SIN3A: variants seen among roughly 807,000 people sequenced by gnomAD.
SIN3A encodes the protein SIN3 transcription regulator family member A.
In SIN3A, 14 loss-of-function variants were observed where a neutral mutation model predicts 146.1. The ratio of observed to expected loss-of-function variants is 0.10; its 90% confidence interval spans 0.06 to 0.15. The LOEUF (loss-of-function observed/expected upper bound fraction) is 0.15, where lower values mean the gene tolerates loss of function less well. Among genes scored for constraint, SIN3A ranks in the 10% least tolerant of loss-of-function variants. The pLI is 1.00. For synonymous variants in SIN3A, 572 were observed against 572.0 expected, an observed-to-expected ratio of 1.00 and a Z score of 0.00; for missense variants, 1,028 against 1,576.0, an observed-to-expected ratio of 0.65 and a Z score of 5.89.
chr15:75,415,708 AGG>A (rs974412891), intron 3 of SIN3A: 2 of 162,246 alleles, frequency 1.2e-5, no homozygotes, highest in African/African-American at 4.8e-5. Flanking sequence ...AAAATTAGCC[AGG>A]CATGGTGGCG....
Position 75,371,674 on chromosome 15 carries a change from C to G in SIN3A, c.*305G>C, listed in dbSNP as rs984124723. On this transcript the variant is annotated 3_prime_UTR_variant, in exon 21 of 21. Transcript: ENST00000394947. ...AGGCCACAGGAGACTCCAGTCTTAGCTCTGCTGGTGTGTGCAAGCAAACTG... is the reference window on the plus strand; with the variant it reads ...AGGCCACAGGAGACTCCAGTCTTAGGTCTGCTGGTGTGTGCAAGCAAACTG... 5.9e-6 allele frequency: 2 copies of G among 340,414 alleles called. No homozygotes were observed. The highest frequency in any genetic ancestry group is 2.1e-5 in the African/African-American group (1 of 47,680). The allele number at this position is 340,414 out of a possible 1,614,324, so 21.1% of individuals were successfully genotyped here.
intron 1 of SIN3A, among the ~76,000 whole-genome samples, chr15:75,442,058 T>C (rs2074221834): frequency 8.0e-6 from 1 of 125,416 alleles, no homozygotes; most frequent in South Asian, 2.5e-4. Context: ...AGGCAGAGGT[T>C]GCAGTGAGCA....
At chr15:75,454,143 C>T (rs996412994), upstream of SIN3A, among the ~76,000 whole-genome samples, 1 of 148,152 alleles carries the variant, frequency 6.7e-6, no homozygotes, top group South Asian at 2.2e-4. Flanking sequence ...TCCGCAAGAA[C>T]CGTCCCTCCT....
chr15:75,382,796 A>T (rs2072998805), intron 17 of SIN3A, among the ~76,000 whole-genome samples: 2 of 151,296 alleles, frequency 1.3e-5, no homozygotes, highest in African/African-American at 4.9e-5. Context: ...AAAATACAAA[A>T]ATTAGACCGG....
intron 18 of SIN3A, 99 bp downstream of exon 18, chr15:75,381,514 G>C (rs1369199234): frequency 3.2e-5 from 27 of 839,990 alleles, no homozygotes; most frequent in Non-Finnish European, 5.0e-5. Flanking sequence ...AAACAGGCCT[G>C]AGGTGCCTTG....
chr15:75,413,548 T>G (rs1449592691), intron 4 of SIN3A, among the ~76,000 whole-genome samples: 1 of 75,392 alleles, frequency 1.3e-5, no homozygotes, highest in African/African-American at 5.5e-5. Context: ...CCACAATTTG[T>G]TTTTTTTTTT....
At chr15:75,405,405 T>A (rs2073492771) in intron 9 of SIN3A, among the ~76,000 whole-genome samples, 1 of 151,402 alleles carries the variant, frequency 6.6e-6, no homozygotes, top group Non-Finnish European at 1.5e-5. Context: ...AAAGATTCCT[T>A]AATAGCATCT....
chr15:75,416,993 G>A (rs1052082083), intron 3 of SIN3A, among the ~76,000 whole-genome samples: 3 of 150,606 alleles, frequency 2.0e-5, no homozygotes, highest in Admixed American at 2.0e-4. Flanking sequence ...AACTTTCCCT[G>A]TTCAGAGCAT....
In SIN3A at chr15:75,371,504, T is replaced by G. The variant is rs2072751006; in HGVS notation, c.*475A>C. 1 of 154,948 alleles carries G rather than the reference T, an allele frequency of 6.5e-6. No individual in the cohort carries two copies. The highest frequency in any genetic ancestry group is 2.4e-5 in the African/African-American group (1 of 41,538). The allele number at this position is 154,948 out of a possible 1,614,324, so 9.6% of individuals were successfully genotyped here. A position where few individuals can be genotyped will look rare whatever the true frequency, so the allele number is the denominator to read the frequency against. ...GAAAAAAAAAATCAAATCCAGCTTT[T>G]TTTTCCTTTTGTGGGGAGGGGAGAG... On this transcript the variant is annotated 3_prime_UTR_variant, in exon 21 of 21. Transcript: ENST00000394947.
intron 6 of SIN3A, among the ~76,000 whole-genome samples, chr15:75,410,867 C>A (rs1350942103): frequency 6.8e-6 from 1 of 146,514 alleles, no homozygotes; most frequent in Non-Finnish European, 1.5e-5. Flanking sequence ...GAAACCCCGT[C>A]TCTACTAAAA....
intron 5 of SIN3A, 23 bp downstream of exon 5, chr15:75,412,740 T>C (rs2073664019): frequency 6.5e-7 from 1 of 1,543,128 alleles, no homozygotes; most frequent in South Asian, 1.3e-5. Context: ...TTCATATTGA[T>C]GCAATATTTT....
At chr15:75,450,890 G>A (rs2074392454) in intron 1 of SIN3A, among the ~76,000 whole-genome samples, 1 of 152,158 alleles carries the variant, frequency 6.6e-6, no homozygotes, top group African/African-American at 2.4e-5. Context: ...TGCAGGGGGG[G>A]ACGGCCAAGG....
chr15:75,408,066 G>C (rs1242184320), intron 8 of SIN3A, among the ~76,000 whole-genome samples: 1 of 152,080 alleles, frequency 6.6e-6, no homozygotes, highest in Non-Finnish European at 1.5e-5. Context: ...AACTTTGTGA[G>C]AAGTAGCACA....
intron 16 of SIN3A, among the ~76,000 whole-genome samples, chr15:75,386,746 T>C (rs1467779809): frequency 6.6e-6 from 1 of 152,202 alleles, no homozygotes; most frequent in African/African-American, 2.4e-5. Flanking sequence ...GGTCCTATTT[T>C]GAGTTCTGTA....
intron 5 of SIN3A, among the ~76,000 whole-genome samples, 179 bp downstream of exon 5, chr15:75,412,584 A>G (rs562887112): frequency 6.6e-6 from 1 of 152,328 alleles, no homozygotes; most frequent in South Asian, 2.1e-4. Context: ...TAGATACCTA[A>G]GTAAGTGATG....
chr15:75,414,688 T>C (rs2073701801), intron 3 of SIN3A, among the ~76,000 whole-genome samples: 1 of 152,234 alleles, frequency 6.6e-6, no homozygotes, highest in Non-Finnish European at 1.5e-5. Flanking sequence ...CATTTGTTTG[T>C]ATGTAGTCAG....
intron 19 of SIN3A, among the ~76,000 whole-genome samples, chr15:75,380,274 C>G (rs1365871519): frequency 1.3e-5 from 2 of 152,202 alleles, no homozygotes; most frequent in Non-Finnish European, 2.9e-5. Flanking sequence ...TTGCCACAGG[C>G]ACCTTTTCGC....
chr15:75,423,176 G>A (rs2141542700), intron 2 of SIN3A, among the ~76,000 whole-genome samples: 1 of 151,986 alleles, frequency 6.6e-6, no homozygotes, highest in South Asian at 2.1e-4. Context: ...TACTCCAGAG[G>A]CTAAAGGAGG....
At chr15:75,388,541 A>T (rs796900723) in intron 16 of SIN3A, 10 of 140,956 alleles carry the variant, frequency 7.1e-5, no homozygotes, top group African/African-American at 2.9e-4. Context: ...CTGTGGGCCA[A>T]TGTTCAGCAC....
Sources: gnomAD v4.1 joint callset for allele counts (sites outside exome capture counted in the v4.1 genomes callset) on GRCh38, gnomAD v4.1.1 for gene constraint, MANE v1.5 for transcripts, NCBI Gene and HGNC (gene_info 2026-07-23, HGNC 2026-07-21) for gene names.